ABCA8: variants seen among roughly 807,000 people sequenced by gnomAD.
ABCA8 encodes ABC-type organic anion transporter ABCA8.
Under a neutral mutation model 192.3 loss-of-function variants are expected in ABCA8, and 177 were observed. The ratio of observed to expected loss-of-function variants is 0.92; its 90% CI spans 0.81 to 1.04. ABCA8 has a LOEUF of 1.04. ABCA8 is among the 50% of genes least tolerant of loss of function. The pLI is 0.00. For missense variants in ABCA8, 1,915 were observed against 1,904.8 expected (o/e 1.01, Z -0.10); for synonymous variants, 642 against 690.2 (o/e 0.93, Z 1.09).
At chr17:68,918,930 CAAA>C (rs34377045) in intron 14 of ABCA8, among the ~76,000 whole-genome samples, 4 of 45,952 alleles carry the variant, frequency 8.7e-5, no homozygotes, top group African/African-American at 1.5e-4. Flanking sequence ...AACTCTGTCT[CAAA>C]AAAAAAAAAA....
Position 68,902,706 on chromosome 17 carries a change from AT to A in ABCA8, c.2764+6del. ...TGTATTTGGAAATCAAGTATCCACC[AT>A]TTTACCTGTTTTATTGATGATCAGT... On this transcript the variant is annotated splice_donor_region_variant and intron_variant, in intron 21 of 39. Transcript: ENST00000586539. 1 of 1,609,560 alleles carries A rather than the reference AT, an allele frequency of 6.2e-7. No individual in the cohort carries two copies. Among genetic ancestry groups the A allele is most frequent in the Non-Finnish European group, 8.5e-7 (1 of 1,176,254 alleles).
rs184831195 is a variant in ABCA8 at position 68,917,737 on chromosome 17, T to C, written c.2048-286A>G. On this transcript the variant is annotated intron_variant, in intron 16 of 39. Coordinates refer to ENST00000586539, the MANE Select transcript of ABCA8 (RefSeq NM_001288985.2). ...AGATGAAACATTAAAATCATTTGAATATTTCAAGTGGATTTCCCTCAATTC... is the reference window on the plus strand; with the variant it reads ...AGATGAAACATTAAAATCATTTGAACATTTCAAGTGGATTTCCCTCAATTC... Among the ~76,000 whole-genome samples, 744 of 152,344 alleles carry C rather than the reference T, an allele frequency of 4.9e-3. 5 individuals are homozygous for C. The highest frequency in any genetic ancestry group is 0.017 in the African/African-American group (704 of 41,570).
rs1237354605 is a variant in ABCA8, at chr17:68,929,659, C to T, written c.841G>A (p.Ala281Thr). ...LLYAGFIFIM[A>T]LFLALVIRST... ...CTTATAACAAGTGCCAAGAAAAGGG[C>T]CATAATGAAGATGAAACCAGCATAG... Residue 281 changes from alanine to threonine, a missense_variant, in exon 8 of 40, where the codon GCC becomes ACC. Physicochemically the swap from Ala to Thr is moderately conservative, Grantham distance 58. Transcript: ENST00000586539. 2.5e-6 allele frequency: 4 copies of T among 1,612,978 alleles called. No individual in the cohort carries two copies. In the South Asian group the frequency reaches 4.4e-5, roughly 18 times the overall value.
intron 5 of ABCA8, among the ~76,000 whole-genome samples, chr17:68,935,789 T>C (rs921181746): frequency 6.6e-6 from 1 of 152,164 alleles, no homozygotes; most frequent in East Asian, 1.9e-4. Flanking sequence ...ATAAAGGTTG[T>C]ACTAATTTAC....
intron 2 of ABCA8, among the ~76,000 whole-genome samples, chr17:68,943,000 A>G (rs1354804377): frequency 6.6e-6 from 1 of 152,170 alleles, no homozygotes; most frequent in Non-Finnish European, 1.5e-5. Context: ...TGAATAAATA[A>G]TCTGTTTTAG....
At chr17:68,868,389 A>G (rs1364432964) in intron 38 of ABCA8, 33 bp from the exon 39 acceptor site, 1 of 1,563,884 alleles carries the variant, frequency 6.4e-7, no homozygotes, top group African/African-American at 1.4e-5. Flanking sequence ...TAGTTCATAT[A>G]TTTCATATCT....
chr17:68,916,086 T>C (rs2067352163), intron 17 of ABCA8, among the ~76,000 whole-genome samples: 1 of 151,964 alleles, frequency 6.6e-6, no homozygotes, highest in African/African-American at 2.4e-5. Context: ...ACAATTGATT[T>C]TATGGAGATA....
At chr17:68,916,987 T>A (rs2067386211) in intron 17 of ABCA8, among the ~76,000 whole-genome samples, 1 of 152,196 alleles carries the variant, frequency 6.6e-6, no homozygotes, top group Admixed American at 6.5e-5. Context: ...TACAAATTCT[T>A]GGCCGGGCGC....
rs1555608549 is a variant in ABCA8 at position 68,893,721 on chromosome 17, C to CTCTTT, written c.3036+451_3036+452insAAAGA. ...TTTCATTTTTATTGCTTCATATTCT[C>CTCTTT]TTTTTTTTTTTTTCCTTTTCTTTTT... On this transcript the variant is annotated intron_variant, in intron 23 of 39. Transcript: ENST00000586539. Among the ~76,000 whole-genome samples, 29 of 127,702 alleles carry CTCTTT rather than the reference C, an allele frequency of 2.3e-4. 1 individual carries two copies. The highest frequency in any genetic ancestry group is 1.1e-3 in the South Asian group (4 of 3,694). 83.8% of individuals were successfully genotyped at this position (127,702 alleles called of 152,430 possible).
At chr17:68,946,687 C>T (rs1458612423) in intron 2 of ABCA8, among the ~76,000 whole-genome samples, 1 of 152,074 alleles carries the variant, frequency 6.6e-6, no homozygotes, top group African/African-American at 2.4e-5. Context: ...GCCTGTAATC[C>T]CAGCAGTTTG....
intron 37 of ABCA8, among the ~76,000 whole-genome samples, chr17:68,872,605 A>T (rs1281683687): frequency 6.6e-6 from 1 of 151,654 alleles, no homozygotes; most frequent in Non-Finnish European, 1.5e-5. Context: ...TAAAAAATAA[A>T]AAAAATAAAA....
chr17:68,941,930 G>C lies in ABCA8; in HGVS notation c.96+9C>G, dbSNP rs552065498. On this transcript the variant is annotated intron_variant, in intron 3 of 39. Coordinates refer to ENST00000586539, the MANE Select transcript of ABCA8 (RefSeq NM_001288985.2). ...ATAAATAGAGAATAACACGGATATT[G>C]AGTCATACCATTAAGGACTCTCTTT... The C allele has an allele frequency of 1.9e-6, 3 of 1,567,382 alleles. No homozygotes were observed. The African/African-American group carries it at 4.1e-5, about 21-fold the overall frequency.
chr17:68,902,543 T>A (rs1412606595), intron 21 of ABCA8, among the ~76,000 whole-genome samples, 170 bp downstream of exon 21: 1 of 152,224 alleles, frequency 6.6e-6, no homozygotes, highest in Admixed American at 6.5e-5. Context: ...GAAAATACTT[T>A]ACCTATTCCT....
chr17:68,883,701 G>A (rs1009715855), intron 29 of ABCA8, 90 bp downstream of exon 29: 21 of 802,814 alleles, frequency 2.6e-5, no homozygotes, highest in South Asian at 3.7e-5. Context: ...CTAGCACAAC[G>A]GCACCTCTTT....
chr17:68,926,636 C>T (rs535227641), intron 10 of ABCA8, among the ~76,000 whole-genome samples: 1 of 152,286 alleles, frequency 6.6e-6, no homozygotes, highest in Admixed American at 6.5e-5. Flanking sequence ...CAAATGAAAA[C>T]ATACCATATT....
chr17:68,907,972 A>T, intron 17 of ABCA8, 93 bp from the exon 18 acceptor site: 1 of 1,125,318 alleles, frequency 8.9e-7, no homozygotes, highest in Non-Finnish European at 1.2e-6. Context: ...GGACAAAGAA[A>T]ATCAATTAAA....
rs2065968028 is a variant in ABCA8, at chr17:68,868,372, C to T, written c.4712-16G>A. 1.2e-6 allele frequency: 2 copies of T among 1,604,074 alleles called. No homozygotes were observed. Among genetic ancestry groups the T allele is most frequent in the Non-Finnish European group, 1.7e-6 (2 of 1,171,254 alleles). On this transcript the variant is annotated splice_polypyrimidine_tract_variant and intron_variant, in intron 38 of 39. Coordinates refer to ENST00000586539, the MANE Select transcript of ABCA8 (RefSeq NM_001288985.2). ...CTCTGTTTAACTGCATAGGGATGAACATGTATTAGTTCATATATTTCATAT... is the reference window on the plus strand; with the variant it reads ...CTCTGTTTAACTGCATAGGGATGAATATGTATTAGTTCATATATTTCATAT...
intron 32 of ABCA8, 149 bp from the exon 33 acceptor site, chr17:68,877,828 A>G: frequency 2.5e-6 from 2 of 796,080 alleles, no homozygotes; most frequent in Admixed American, 3.5e-5. Context: ...TGCATTGGAG[A>G]AAGGTTGTCA....
chr17:68,902,992 A>C (rs945841669), intron 20 of ABCA8, 113 bp from the exon 21 acceptor site: 3 of 939,952 alleles, frequency 3.2e-6, no homozygotes, highest in Non-Finnish European at 1.6e-6. Flanking sequence ...AACACAATTA[A>C]CTGTCACATT....
Sources: allele counts gnomAD v4.1 joint callset (sites outside exome capture counted in the v4.1 genomes callset), GRCh38; gene constraint gnomAD v4.1.1; transcripts MANE v1.5; gene names NCBI Gene and HGNC (gene_info 2026-07-23, HGNC 2026-07-21).